The following ARL15 variants were observed in gnomAD, a reference collection of about 807,000 sequenced individuals.
The protein encoded by ARL15 is ADP-ribosylation factor-like protein 15.
ARL15 carries 19 observed loss-of-function variants against 25.2 expected under a neutral mutation model. That is an observed-to-expected ratio of 0.75 (90% confidence interval 0.53 to 1.10). ARL15 has a LOEUF of 1.10. ARL15 is among the 50% of genes least tolerant of loss of function. The probability of loss-of-function intolerance (pLI) is 0.00; values close to 1 mark genes in which losing one functional copy is unlikely to be tolerated. For missense variants in ARL15, 220 were observed against 246.0 expected (o/e 0.89, Z 0.71); for synonymous variants, 94 against 86.8 (o/e 1.08, Z -0.46).
At chr5:53,969,880 G>A (rs954980248) in intron 4 of ARL15, among the ~76,000 whole-genome samples, 3 of 152,110 alleles carry the variant, frequency 2.0e-5, no homozygotes, top group African/African-American at 7.2e-5. Flanking sequence ...TGACAGGAAC[G>A]TGAGCTGGGA....
intron 1 of ARL15, among the ~76,000 whole-genome samples, chr5:54,299,094 G>T (rs149300700): frequency 1.7e-4 from 26 of 151,942 alleles, no homozygotes; most frequent in Non-Finnish European, 2.9e-4. Flanking sequence ...AGAGACAGGG[G>T]TCTCACTATG....
intron 1 of ARL15, among the ~76,000 whole-genome samples, chr5:54,224,198 C>T (rs538294610): frequency 6.6e-6 from 1 of 152,242 alleles, no homozygotes; most frequent in African/African-American, 2.4e-5. Flanking sequence ...GTGGGCTGAA[C>T]TCCAAAGGCG....
chr5:54,182,931 C>T (rs1250842983), intron 1 of ARL15, among the ~76,000 whole-genome samples: 29 of 148,210 alleles, frequency 2.0e-4, no homozygotes, highest in African/African-American at 6.9e-4. Flanking sequence ...GGAGTTCACT[C>T]ATGATTTGGC....
At chr5:53,951,080 AG>A (rs780322383) in intron 4 of ARL15, among the ~76,000 whole-genome samples, 8 of 152,264 alleles carry the variant, frequency 5.3e-5, no homozygotes, top group Non-Finnish European at 1.0e-4. Context: ...TAGCATATTA[AG>A]AACATAAAAA....
chr5:54,142,953 A>G (rs1268951500), intron 3 of ARL15, among the ~76,000 whole-genome samples: 2 of 152,120 alleles, frequency 1.3e-5, no homozygotes, highest in African/African-American at 2.4e-5. Flanking sequence ...GTACTTTTAA[A>G]TTTTGTTGGC....
chr5:54,057,455 C>G (rs1290539488), intron 4 of ARL15, among the ~76,000 whole-genome samples: 1 of 152,174 alleles, frequency 6.6e-6, no homozygotes, highest in Non-Finnish European at 1.5e-5. Context: ...CCATCATGTT[C>G]TTTTCCTTAG....
At chr5:54,006,090 CTG>C (rs1371019346) in intron 4 of ARL15, among the ~76,000 whole-genome samples, 1 of 143,294 alleles carries the variant, frequency 7.0e-6, no homozygotes, top group African/African-American at 2.6e-5. Flanking sequence ...GCTTTATTGA[CTG>C]TTTTTGTTTA....
At chr5:54,047,913 T>C (rs1026394576) in intron 4 of ARL15, 1 of 152,222 alleles carries the variant, frequency 6.6e-6, no homozygotes, top group African/African-American at 2.4e-5. Flanking sequence ...ACCCTATATC[T>C]TTCTCTACTG....
intron 2 of ARL15, among the ~76,000 whole-genome samples, chr5:54,163,350 A>T (rs1394777617): frequency 8.1e-5 from 7 of 86,426 alleles, no homozygotes; most frequent in East Asian, 3.5e-4. Context: ...GGCTATTGGT[A>T]TGAAGCTTTT....
chr5:54,167,832 T>C (rs1579867027), intron 2 of ARL15, among the ~76,000 whole-genome samples: 1 of 152,198 alleles, frequency 6.6e-6, no homozygotes, highest in East Asian at 1.9e-4. Flanking sequence ...ATTCCTTTGC[T>C]TGCTCTTCAT....
chr5:54,266,435 G>C (rs1294304399), intron 1 of ARL15, among the ~76,000 whole-genome samples: 1 of 152,164 alleles, frequency 6.6e-6, no homozygotes, highest in Non-Finnish European at 1.5e-5. Flanking sequence ...AGACCTCCTG[G>C]GTTTGGTTCC....
intron 1 of ARL15, among the ~76,000 whole-genome samples, chr5:54,250,239 G>C (rs1415459537): frequency 1.3e-5 from 2 of 152,068 alleles, no homozygotes; most frequent in Non-Finnish European, 2.9e-5. Flanking sequence ...AGCACCAAGA[G>C]GACAGCATCA....
intron 4 of ARL15, among the ~76,000 whole-genome samples, chr5:54,055,228 C>T (rs72750233): frequency 0.16 from 24,941 of 152,010 alleles, 2,334 homozygotes; most frequent in Non-Finnish European, 0.21. Context: ...TCCTTTTCTG[C>T]ACATTTCATC....
At chr5:53,962,105 A>G (rs990889033) in intron 4 of ARL15, among the ~76,000 whole-genome samples, 15 of 152,182 alleles carry the variant, frequency 9.9e-5, no homozygotes, top group Non-Finnish European at 1.6e-4. Flanking sequence ...ACTGATGGTA[A>G]GAGTATAGGA....
chr5:54,005,601 C>T (rs1459909452), intron 4 of ARL15, among the ~76,000 whole-genome samples: 1 of 151,568 alleles, frequency 6.6e-6, no homozygotes, highest in Non-Finnish European at 1.5e-5. Flanking sequence ...CGGTAGCTCA[C>T]GCCTGTAATC....
chr5:53,986,873 T>C (rs2111631478), intron 4 of ARL15, among the ~76,000 whole-genome samples: 1 of 152,224 alleles, frequency 6.6e-6, no homozygotes, highest in South Asian at 2.1e-4. Flanking sequence ...AGAGGAACCG[T>C]CATAAACAAA....
chr5:53,951,202 G>C (rs1175178412), intron 4 of ARL15, among the ~76,000 whole-genome samples: 2 of 152,178 alleles, frequency 1.3e-5, no homozygotes, highest in African/African-American at 4.8e-5. Context: ...GAGTAGCAGG[G>C]ACTTTGAGTA....
At chr5:54,097,901 C>A (rs1752334129) in intron 4 of ARL15, among the ~76,000 whole-genome samples, 1 of 152,140 alleles carries the variant, frequency 6.6e-6, no homozygotes, top group African/African-American at 2.4e-5. Context: ...TTAAGAGCTA[C>A]CTCCCATTAT....
chr5:54,151,393 A>G (rs1303664783), intron 3 of ARL15, among the ~76,000 whole-genome samples: 1 of 151,904 alleles, frequency 6.6e-6, no homozygotes, highest in Non-Finnish European at 1.5e-5. Context: ...CTAATTTCCT[A>G]TTTCTCTTTT....
Sources: gnomAD v4.1 joint callset for allele counts (sites outside exome capture counted in the v4.1 genomes callset) on GRCh38, gnomAD v4.1.1 for gene constraint, MANE v1.5 for transcripts, NCBI Gene and HGNC (gene_info 2026-07-23, HGNC 2026-07-21) for gene names.